USO1: variants seen among roughly 807,000 people sequenced by gnomAD.
USO1 encodes the protein USO1 vesicle transport factor.
A neutral mutation model predicts 124.5 loss-of-function variants in USO1; 57 were observed. The observed-to-expected ratio is 0.46, with a 90% CI of 0.37 to 0.57. The LOEUF (loss-of-function observed/expected upper bound fraction) is 0.57. USO1 is among the 20% of genes least tolerant of loss of function. The probability of loss-of-function intolerance (pLI) is 0.00; values close to 1 mark genes in which losing one functional copy is unlikely to be tolerated. For synonymous variants in USO1, 369 were observed against 362.8 expected (o/e 1.02, Z -0.19); for missense variants, 900 against 1,040.6 (o/e 0.86, Z 1.86).
chr4:75,756,038 C>T (rs1184107268), intron 3 of USO1, among the ~76,000 whole-genome samples: 5 of 151,694 alleles, frequency 3.3e-5, no homozygotes, highest in Non-Finnish European at 7.4e-5. Context: ...GGAGTGGTGG[C>T]GGGCGCCTGT....
At chr4:75,800,275 A>T in intron 14 of USO1, 76 bp from the exon 15 acceptor site, 1 of 1,476,072 alleles carries the variant, frequency 6.8e-7, no homozygotes, top group Non-Finnish European at 9.1e-7. Context: ...TATGTGAAGT[A>T]TTAATGTATG....
At chr4:75,732,114 G>A (rs912877789) in intron 1 of USO1, among the ~76,000 whole-genome samples, 2 of 152,208 alleles carry the variant, frequency 1.3e-5, no homozygotes, top group Non-Finnish European at 2.9e-5. Context: ...CCCAGGTAGT[G>A]AGGATGGTAC....
chr4:75,810,763 G>T (rs780464681), intron 22 of USO1, among the ~76,000 whole-genome samples: 1 of 151,676 alleles, frequency 6.6e-6, no homozygotes, highest in African/African-American at 2.4e-5. Context: ...ATGGAGTTTC[G>T]CTCTGTCACC....
At chr4:75,780,640 C>CTTTTATTTTT (rs1722194598) in intron 8 of USO1, among the ~76,000 whole-genome samples, 1 of 59,138 alleles carries the variant, frequency 1.7e-5, no homozygotes, top group Non-Finnish European at 2.9e-5. Context: ...TAAATTTTGA[C>CTTTTATTTTT]TTTTTTTTTT....
At chr4:75,747,830 T>C (rs1259022993) in intron 1 of USO1, among the ~76,000 whole-genome samples, 1 of 150,648 alleles carries the variant, frequency 6.6e-6, no homozygotes, top group Non-Finnish European at 1.5e-5. Flanking sequence ...TTAACCAAGA[T>C]GGTCTCGATC....
At chr4:75,771,302 G>A (rs546938862) in intron 7 of USO1, among the ~76,000 whole-genome samples, 165 bp downstream of exon 7, 2 of 152,136 alleles carry the variant, frequency 1.3e-5, no homozygotes, top group African/African-American at 4.8e-5. Context: ...GTCTCTCTAT[G>A]TTGCCCAGGT....
chr4:75,729,379 G>C (rs1029019622), intron 1 of USO1, among the ~76,000 whole-genome samples: 3 of 151,964 alleles, frequency 2.0e-5, no homozygotes, highest in Admixed American at 6.6e-5. Flanking sequence ...TCGCTCTGTC[G>C]CCCAGGCTGG....
chr4:75,744,643 C>T (rs1469721808), intron 1 of USO1, among the ~76,000 whole-genome samples: 1 of 152,214 alleles, frequency 6.6e-6, no homozygotes, highest in Non-Finnish European at 1.5e-5. Flanking sequence ...TGGTCTTGAA[C>T]TCCTGACCTC....
intron 8 of USO1, among the ~76,000 whole-genome samples, chr4:75,778,208 A>G (rs1722124884): frequency 6.6e-6 from 1 of 152,178 alleles, no homozygotes. Context: ...TTAACCGCTA[A>G]TAGACTATGT....
At chr4:75,770,755 T>C in intron 5 of USO1, 67 bp from the exon 6 acceptor site, 1 of 1,570,520 alleles carries the variant, frequency 6.4e-7, no homozygotes, top group African/African-American at 1.4e-5. Context: ...AAGTTATTAG[T>C]GGAAAAAATG....
chr4:75,772,682 TTCCATG>T (rs1219522388), intron 7 of USO1, among the ~76,000 whole-genome samples: 1 of 152,214 alleles, frequency 6.6e-6, no homozygotes, highest in Non-Finnish European at 1.5e-5. Flanking sequence ...GTTCTATTCT[TTCCATG>T]TCCTGCAATT....
intron 17 of USO1, 79 bp downstream of exon 17, chr4:75,801,279 T>A: frequency 7.0e-7 from 1 of 1,423,758 alleles, no homozygotes; most frequent in Non-Finnish European, 9.2e-7. Context: ...TTTTCTGACA[T>A]TTCAAATGAA....
chr4:75,758,509 G>A (rs1274553101), intron 4 of USO1, among the ~76,000 whole-genome samples: 1 of 152,136 alleles, frequency 6.6e-6, no homozygotes, highest in Non-Finnish European at 1.5e-5. Context: ...TAACTTCACA[G>A]AATACTAGTA....
intron 4 of USO1, among the ~76,000 whole-genome samples, 194 bp downstream of exon 4, chr4:75,757,767 A>G (rs1454169030): frequency 4.6e-5 from 7 of 152,160 alleles, no homozygotes; most frequent in African/African-American, 1.7e-4. Flanking sequence ...TGTGTAAGTC[A>G]GAACATTATA....
chr4:75,752,748 A>G (rs1721327271), intron 3 of USO1, 144 bp downstream of exon 3: 2 of 383,994 alleles, frequency 5.2e-6, no homozygotes, highest in South Asian at 1.5e-4. Context: ...CTGGTCTCGA[A>G]CTCCTGGGCT....
chr4:75,739,538 C>CTTTTTTTTTTTTTTTTTTTTTTTT (rs753369609), intron 1 of USO1, among the ~76,000 whole-genome samples: 10 of 105,416 alleles, frequency 9.5e-5, no homozygotes, highest in East Asian at 5.8e-4. Context: ...TTATCTTTTT[C>CTTTTTTTTTTTTTTTTTTTTTTTT]TTTTTTTTTT....
intron 8 of USO1, among the ~76,000 whole-genome samples, chr4:75,780,537 C>T (rs1722190112): frequency 1.3e-5 from 2 of 150,374 alleles, no homozygotes. Context: ...TCCCAAAGTG[C>T]TGGGATTACA....
At chr4:75,808,452 C>T (rs901100823) in intron 20 of USO1, among the ~76,000 whole-genome samples, 8 of 152,064 alleles carry the variant, frequency 5.3e-5, no homozygotes, top group African/African-American at 1.9e-4. Flanking sequence ...TTTTTAACCT[C>T]ATTTTTATCT....
Position 75,774,797 on chromosome 4 carries a change from G to T in USO1, c.676+1G>T. On this transcript the variant is annotated splice_donor_variant, in intron 8 of 23. Transcript: ENST00000514213. LOFTEE classifies it high-confidence loss of function. The stretch of plus-strand genomic sequence containing the variant: ...TCAGAGGAGGGGAACAGTGATGGAG[G>T]TATAGTATGAAGAAATTATTTGAAG... 1 of 1,612,342 alleles carries T rather than the reference G, an allele frequency of 6.2e-7. No individual in the cohort carries two copies. The highest frequency in any genetic ancestry group is 8.5e-7 in the Non-Finnish European group (1 of 1,179,164).
Sources: allele counts gnomAD v4.1 joint callset (sites outside exome capture counted in the v4.1 genomes callset), GRCh38; gene constraint gnomAD v4.1.1; transcripts MANE v1.5; gene names NCBI Gene and HGNC (gene_info 2026-07-23, HGNC 2026-07-21).